The following SUCLG2 variants were observed in gnomAD, a reference collection of about 807,000 sequenced individuals.
SUCLG2 encodes the protein succinate-CoA ligase GDP-forming subunit beta, also known as succinate--CoA ligase [GDP-forming] subunit beta, mitochondrial.
SUCLG2 carries 42 observed loss-of-function variants against 47.9 expected under a neutral mutation model. The observed-to-expected ratio is 0.88, with a 90% confidence interval of 0.69 to 1.14. The LOEUF (loss-of-function observed/expected upper bound fraction) is 1.14. Among genes scored for constraint, SUCLG2 ranks in the 50% most tolerant of loss-of-function variants. The pLI, the probability that SUCLG2 is intolerant of heterozygous loss-of-function variation, is 0.00. For missense variants in SUCLG2, 571 were observed against 525.9 expected (o/e 1.09, Z -0.84); for synonymous variants, 195 against 197.3 (o/e 0.99, Z 0.10).
intron 9 of SUCLG2, among the ~76,000 whole-genome samples, chr3:67,401,247 G>T (rs1032833320): frequency 3.3e-5 from 5 of 151,606 alleles, no homozygotes; most frequent in African/African-American, 1.2e-4. Context: ...TATATGTCAT[G>T]GTGCCTCACA....
At chr3:67,363,932 G>A (rs546401860) in intron 10 of SUCLG2, among the ~76,000 whole-genome samples, 1 of 152,292 alleles carries the variant, frequency 6.6e-6, no homozygotes, top group South Asian at 2.1e-4. Flanking sequence ...ACAGTGGTGA[G>A]TTCCCTGGGT....
At chr3:67,382,479 T>C (rs1702180192) in intron 10 of SUCLG2, among the ~76,000 whole-genome samples, 1 of 152,194 alleles carries the variant, frequency 6.6e-6, no homozygotes, top group Non-Finnish European at 1.5e-5. Flanking sequence ...CAGGTCTGAT[T>C]CTTGGTCTAG....
At chr3:67,631,735 G>T (rs746504954) in intron 1 of SUCLG2, among the ~76,000 whole-genome samples, 61 of 152,140 alleles carry the variant, frequency 4.0e-4, no homozygotes, top group Non-Finnish European at 8.4e-4. Flanking sequence ...ATACATGTGG[G>T]TGATTTGTCA....
intron 2 of SUCLG2, among the ~76,000 whole-genome samples, chr3:67,552,130 A>G (rs1407540690): frequency 1.3e-5 from 2 of 149,802 alleles, no homozygotes; most frequent in Admixed American, 6.7e-5. Context: ...AATGGAGAAA[A>G]CACTTGCACT....
intron 2 of SUCLG2, among the ~76,000 whole-genome samples, chr3:67,559,073 T>C (rs796728796): frequency 4.6e-5 from 7 of 152,216 alleles, no homozygotes; most frequent in South Asian, 2.1e-4. Context: ...AATGTATTAA[T>C]AGATTTACTC....
At chr3:67,461,396 A>G (rs1471952126) in intron 9 of SUCLG2, among the ~76,000 whole-genome samples, 1 of 152,124 alleles carries the variant, frequency 6.6e-6, no homozygotes, top group African/African-American at 2.4e-5. Context: ...AAAAACATAA[A>G]ATGTAATTCG....
chr3:67,463,066 C>T (rs537710603), intron 9 of SUCLG2, among the ~76,000 whole-genome samples: 2 of 152,268 alleles, frequency 1.3e-5, no homozygotes, highest in East Asian at 1.9e-4. Flanking sequence ...CAGTAAAATG[C>T]ACAAAAAGCA....
intron 1 of SUCLG2, among the ~76,000 whole-genome samples, chr3:67,615,460 A>G (rs1700608188): frequency 6.6e-6 from 1 of 152,104 alleles, no homozygotes; most frequent in Non-Finnish European, 1.5e-5. Flanking sequence ...CTTCAGCTCG[A>G]CTTTGCACAC....
At position 67,452,380 on chromosome 3, in the gene SUCLG2, T is replaced by C. The variant is rs182245531; in HGVS notation, c.1062+43418A>G. Among the ~76,000 whole-genome samples, 545 of 152,326 alleles carry C rather than the reference T, an allele frequency of 3.6e-3. 4 individuals carry two copies. The highest frequency in any genetic ancestry group is 0.013 in the African/African-American group (525 of 41,586). ...GCCTATTGAAATATTTTCTAAAAATTTGGGCCTGCTTTTACAAAGACGAGA... is the reference window on the plus strand; with the variant it reads ...GCCTATTGAAATATTTTCTAAAAATCTGGGCCTGCTTTTACAAAGACGAGA... On this transcript the variant is annotated intron_variant, in intron 9 of 10. Coordinates refer to ENST00000307227, the MANE Select transcript of SUCLG2 (RefSeq NM_003848.4).
chr3:67,396,613 T>C (rs1252796014), intron 10 of SUCLG2, among the ~76,000 whole-genome samples: 3 of 152,092 alleles, frequency 2.0e-5, no homozygotes, highest in Admixed American at 1.3e-4. Flanking sequence ...ACTGGTACCA[T>C]TCCTTCTGAA....
At chr3:67,615,468 C>G (rs745876509) in intron 1 of SUCLG2, among the ~76,000 whole-genome samples, 2 of 152,230 alleles carry the variant, frequency 1.3e-5, no homozygotes, top group Middle Eastern at 3.4e-3. Flanking sequence ...CGACTTTGCA[C>G]ACTAGTACTG....
intron 2 of SUCLG2, among the ~76,000 whole-genome samples, chr3:67,588,285 T>C (rs1330891867): frequency 1.3e-5 from 2 of 152,200 alleles, no homozygotes; most frequent in Non-Finnish European, 2.9e-5. Context: ...TCCTTTGCTA[T>C]CAAAAAATTT....
At chr3:67,456,996 TAGAC>T (rs1704202721) in intron 9 of SUCLG2, among the ~76,000 whole-genome samples, 1 of 152,226 alleles carries the variant, frequency 6.6e-6, no homozygotes, top group Non-Finnish European at 1.5e-5. Context: ...TTTTTGTAAT[TAGAC>T]AGATAAAGAG....
At position 67,477,816 on chromosome 3, in the gene SUCLG2, C is replaced by A. The variant is rs552090813; in HGVS notation, c.1062+17982G>T. ...CACATCCCCATTCCTCAAAGAGCAG[C>A]AGAAATATGGTACAGAATGAATACT... On this transcript the variant is annotated intron_variant, in intron 9 of 10. Transcript: ENST00000307227. 1.4e-4 allele frequency among the ~76,000 whole-genome samples: 21 copies of A among 152,128 alleles called. No homozygotes were observed. In the East Asian group the frequency reaches 4.1e-3, roughly 29 times the overall value.
chr3:67,638,924 T>C (rs1343689504), intron 1 of SUCLG2, among the ~76,000 whole-genome samples: 2 of 152,184 alleles, frequency 1.3e-5, no homozygotes, highest in Non-Finnish European at 1.5e-5. Context: ...GGAAGTCTAA[T>C]GGGAAGGTTA....
intron 2 of SUCLG2, among the ~76,000 whole-genome samples, chr3:67,604,762 G>A (rs1163440773): frequency 1.3e-5 from 2 of 152,150 alleles, no homozygotes; most frequent in Non-Finnish European, 2.9e-5. Context: ...GCAGCTTCAG[G>A]CACAAAGAAA....
chr3:67,425,300 C>A (rs1252352610), intron 9 of SUCLG2, among the ~76,000 whole-genome samples: 1 of 152,106 alleles, frequency 6.6e-6, no homozygotes, highest in African/African-American at 2.4e-5. Flanking sequence ...TTATTTATCC[C>A]TAGAATTAAT....
intron 9 of SUCLG2, among the ~76,000 whole-genome samples, chr3:67,464,154 C>T: frequency 6.6e-6 from 1 of 152,190 alleles, no homozygotes; most frequent in East Asian, 1.9e-4. Flanking sequence ...TGACGGTTTT[C>T]TAATTATTCT....
intron 1 of SUCLG2, among the ~76,000 whole-genome samples, chr3:67,617,533 G>A (rs79815554): frequency 0.022 from 3,422 of 152,194 alleles, 130 homozygotes; most frequent in African/African-American, 0.077. Context: ...AAAACAGAAC[G>A]TCACTTTTGT....
Sources: allele counts gnomAD v4.1 joint callset (sites outside exome capture counted in the v4.1 genomes callset), GRCh38; gene constraint gnomAD v4.1.1; transcripts MANE v1.5; gene names NCBI Gene and HGNC (gene_info 2026-07-23, HGNC 2026-07-21).